Variants in NAPEPLD observed in about 807,000 individuals in gnomAD.
The protein encoded by NAPEPLD is N-acyl phosphatidylethanolamine phospholipase D, also known as N-acyl-phosphatidylethanolamine-hydrolyzing phospholipase D.
NAPEPLD carries 23 observed loss-of-function variants against 38.1 expected under a neutral mutation model. The ratio of observed to expected loss-of-function variants is 0.60; its 90% CI spans 0.43 to 0.86. The LOEUF (loss-of-function observed/expected upper bound fraction) is 0.86. NAPEPLD is among the 40% of genes least tolerant of loss of function. NAPEPLD has a pLI of 0.00. For missense variants in NAPEPLD, 411 were observed against 476.8 expected (o/e 0.86, Z 1.28); for synonymous variants, 147 against 162.0 (o/e 0.91, Z 0.71).
intron 1 of NAPEPLD, chr7:103,141,972 C>A: frequency 2.7e-6 from 2 of 750,190 alleles, no homozygotes; most frequent in East Asian, 4.9e-5. Context: ...GGAAAGAGCT[C>A]CCCTGTGGAG....
intron 3 of NAPEPLD, among the ~76,000 whole-genome samples, chr7:103,118,243 A>G (rs1805950034): frequency 6.6e-6 from 1 of 152,238 alleles, no homozygotes; most frequent in Admixed American, 6.5e-5. Context: ...TTATGTTACA[A>G]ATACATAACT....
intron 4 of NAPEPLD, among the ~76,000 whole-genome samples, chr7:103,109,411 A>G (rs1006596028): frequency 6.6e-6 from 1 of 152,258 alleles, no homozygotes; most frequent in African/African-American, 2.4e-5. Flanking sequence ...CAATCAAATT[A>G]GAACTCAGGA....
chr7:103,104,344 C>T (rs1203203655), intron 4 of NAPEPLD, among the ~76,000 whole-genome samples: 2 of 152,176 alleles, frequency 1.3e-5, no homozygotes, highest in Non-Finnish European at 2.9e-5. Flanking sequence ...AGACTGGATG[C>T]GATTCCCAAG....
chr7:103,145,158 G>T (rs917954177), intron 1 of NAPEPLD, among the ~76,000 whole-genome samples: 7 of 152,160 alleles, frequency 4.6e-5, no homozygotes, highest in African/African-American at 1.7e-4. Context: ...AAACTAAATT[G>T]AAGATGAAGA....
At chr7:103,103,612 T>C (rs1802720914) in intron 4 of NAPEPLD, 58 bp from the exon 5 acceptor site, 1 of 1,526,574 alleles carries the variant, frequency 6.6e-7, no homozygotes, top group Non-Finnish European at 8.7e-7. Flanking sequence ...TGGGAGATTT[T>C]CCAAATAACA....
chr7:103,123,517 CATA>C (rs775877491), intron 2 of NAPEPLD, among the ~76,000 whole-genome samples: 6 of 152,162 alleles, frequency 3.9e-5, no homozygotes, highest in Non-Finnish European at 7.3e-5. Flanking sequence ...ATATTGGGCA[CATA>C]ATGATGATGA....
chr7:103,103,722 T>C (rs956519484), intron 4 of NAPEPLD, among the ~76,000 whole-genome samples, 168 bp from the exon 5 acceptor site: 1 of 152,214 alleles, frequency 6.6e-6, no homozygotes, highest in African/African-American at 2.4e-5. Context: ...TAATACAGTT[T>C]TGAGTCATGA....
chr7:103,140,559 A>AT (rs952045863), intron 1 of NAPEPLD, among the ~76,000 whole-genome samples: 5 of 151,540 alleles, frequency 3.3e-5, no homozygotes, highest in Non-Finnish European at 7.4e-5. Flanking sequence ...CGCCCGGCTA[A>AT]TTTTTTTGTA....
intron 2 of NAPEPLD, chr7:103,128,274 C>T (rs1384380264): frequency 1.7e-6 from 1 of 576,622 alleles, no homozygotes; most frequent in African/African-American, 1.9e-5. Flanking sequence ...CTAAAGCACT[C>T]TGTTCCTACC....
intron 1 of NAPEPLD, chr7:103,141,935 C>G: frequency 2.1e-6 from 2 of 940,792 alleles, no homozygotes; most frequent in South Asian, 2.6e-5. Flanking sequence ...CCTGAGCATA[C>G]TCAAGGCTGC....
chr7:103,148,215 A>G (rs1208012070), intron 1 of NAPEPLD: 1 of 573,388 alleles, frequency 1.7e-6, no homozygotes, highest in Non-Finnish European at 2.2e-6. Flanking sequence ...CAAATTAATC[A>G]GAATTATCAA....
chr7:103,137,595 C>A (rs1006640902), intron 1 of NAPEPLD, among the ~76,000 whole-genome samples: 1 of 151,870 alleles, frequency 6.6e-6, no homozygotes, highest in Non-Finnish European at 1.5e-5. Flanking sequence ...ATAGCAAGCA[C>A]AAAGTGCAGG....
intron 4 of NAPEPLD, among the ~76,000 whole-genome samples, chr7:103,111,402 C>A (rs1013099219): frequency 1.3e-5 from 2 of 152,076 alleles, no homozygotes; most frequent in African/African-American, 2.4e-5. Flanking sequence ...GTACTGGTAC[C>A]AAAACAGATA....
chr7:103,143,781 C>G (rs1365125690), intron 1 of NAPEPLD, among the ~76,000 whole-genome samples: 1 of 152,176 alleles, frequency 6.6e-6, no homozygotes, highest in Non-Finnish European at 1.5e-5. Context: ...CTAACTGATA[C>G]GATTACCGTA....
intron 1 of NAPEPLD, among the ~76,000 whole-genome samples, chr7:103,130,593 G>A (rs1158993901): frequency 1.3e-5 from 2 of 151,842 alleles, no homozygotes; most frequent in Non-Finnish European, 2.9e-5. Context: ...CATCTAAATT[G>A]TTTATTTTTT....
chr7:103,126,427 G>C (rs755042308), intron 2 of NAPEPLD, among the ~76,000 whole-genome samples: 2 of 152,174 alleles, frequency 1.3e-5, no homozygotes, highest in Admixed American at 1.3e-4. Context: ...CAACTTCCAG[G>C]CTTCTGTTTA....
At chr7:103,130,407 C>A (rs1338210950) in intron 1 of NAPEPLD, among the ~76,000 whole-genome samples, 6 of 152,198 alleles carry the variant, frequency 3.9e-5, no homozygotes, top group African/African-American at 1.4e-4. Context: ...GAGAGTCTAA[C>A]AAGATTTATA....
intron 1 of NAPEPLD, among the ~76,000 whole-genome samples, chr7:103,142,835 G>A (rs1811717383): frequency 6.6e-6 from 1 of 152,132 alleles, no homozygotes; most frequent in African/African-American, 2.4e-5. Context: ...TTTTTTAAAA[G>A]ATCTCCTGCT....
intron 1 of NAPEPLD, chr7:103,141,804 T>C (rs1811444555): frequency 1.1e-6 from 1 of 897,484 alleles, no homozygotes; most frequent in Non-Finnish European, 1.9e-6. Context: ...AGCCCATCTT[T>C]GATCAGCTTC....
Sources: gnomAD v4.1 joint callset for allele counts (sites outside exome capture counted in the v4.1 genomes callset) on GRCh38, gnomAD v4.1.1 for gene constraint, MANE v1.5 for transcripts, NCBI Gene and HGNC (gene_info 2026-07-23, HGNC 2026-07-21) for gene names.